The following GSR variants were observed in gnomAD, a reference collection of about 807,000 sequenced individuals.
The protein encoded by GSR is glutathione-disulfide reductase, also known as glutathione reductase, mitochondrial.
In GSR, 48 loss-of-function variants were observed where a neutral mutation model predicts 56.5. The observed-to-expected ratio is 0.85, with a 90% CI of 0.67 to 1.08. The LOEUF (loss-of-function observed/expected upper bound fraction) is 1.08, where lower values mean the gene tolerates loss of function less well. Ranked by LOEUF, GSR falls within the 50% of genes least tolerant of loss-of-function variation. GSR has a pLI of 0.00. For synonymous variants in GSR, 264 were observed against 270.8 expected (o/e 0.97, Z 0.25); for missense variants, 694 against 703.3 (o/e 0.99, Z 0.15).
intron 6 of GSR, 133 bp from the exon 7 acceptor site, chr8:30,696,612 A>C (rs928831837): frequency 1.4e-6 from 1 of 700,298 alleles, no homozygotes; most frequent in Non-Finnish European, 2.6e-6. Context: ...CCTAAAGTTA[A>C]TATTTTACTT....
chr8:30,689,135 G>C (rs756680817), intron 9 of GSR, 26 bp downstream of exon 9: 6 of 1,611,700 alleles, frequency 3.7e-6, no homozygotes, highest in Non-Finnish European at 5.1e-6. Context: ...ATTCACAAAT[G>C]TTTCGGGCAG....
chr8:30,704,325 C>G (rs778287555), intron 4 of GSR, among the ~76,000 whole-genome samples: 1 of 151,828 alleles, frequency 6.6e-6, no homozygotes, highest in Non-Finnish European at 1.5e-5. Context: ...GACCCTCTCT[C>G]AAAAAGACTG....
rs1802811345 is a variant in GSR, at chr8:30,678,247, T to C, written c.*1273A>G. The C allele has an allele frequency of 6.6e-6, 1 of 151,732 alleles. No homozygotes were observed. The highest frequency in any genetic ancestry group is 2.4e-5 in the African/African-American group (1 of 41,338). 9.4% of individuals were successfully genotyped at this position (151,732 alleles called of 1,614,324 possible). A position where few individuals can be genotyped will look rare whatever the true frequency, so the allele number is the denominator to read the frequency against. On this transcript the variant is annotated 3_prime_UTR_variant, in exon 13 of 13. Coordinates refer to ENST00000221130, the MANE Select transcript of GSR (RefSeq NM_000637.5). Reference sequence around the variant, plus strand: ...TGAAAGCAGGAATCACTTCTAAATGTCTCTCATATCTTTCTTCAAGGAGTG... The same window carrying C: ...TGAAAGCAGGAATCACTTCTAAATGCCTCTCATATCTTTCTTCAAGGAGTG...
At chr8:30,723,783 AACACACAC>A (rs5890533) in intron 1 of GSR, among the ~76,000 whole-genome samples, 48 of 52,620 alleles carry the variant, frequency 9.1e-4, no homozygotes, top group South Asian at 2.3e-3. Context: ...CAGAGCAACA[AACACACAC>A]ACACACACAC....
At chr8:30,691,355 A>AAAAAC (rs1303006593) in intron 8 of GSR, among the ~76,000 whole-genome samples, 2 of 151,548 alleles carry the variant, frequency 1.3e-5, no homozygotes, top group African/African-American at 4.9e-5. Context: ...ACCCTGTCTC[A>AAAAAC]AAAACAAAAC....
chr8:30,684,110 A>G lies in GSR; in HGVS notation c.1131T>C (p.Cys377=). 2 of 1,590,234 alleles carry G rather than the reference A, an allele frequency of 1.3e-6. No homozygotes were observed. Among genetic ancestry groups the G allele is most frequent in the East Asian group, 2.2e-5 (1 of 44,800 alleles). ...VKGIYAVGDV[C]GKALLTPVAI... Reference sequence around the variant, plus strand: ...TACCTGGAGTAAGAAGAGCTTTTCCACATACATCCCCAACTGCATAGATGC... The same window carrying G: ...TACCTGGAGTAAGAAGAGCTTTTCCGCATACATCCCCAACTGCATAGATGC... Residue 377 remains cysteine, a synonymous_variant, in exon 10 of 13, where the codon TGT becomes TGC. Transcript: ENST00000221130.
rs1243684812 is a variant in GSR, at chr8:30,678,578, C to A, written c.*942G>T. On this transcript the variant is annotated 3_prime_UTR_variant, in exon 13 of 13. Transcript: ENST00000221130. ...AGTCTTGCTATGCTGTGCATGCTGGCCTCAAACTTGTAGGCTCAAGTAATC... is the reference window on the plus strand; with the variant it reads ...AGTCTTGCTATGCTGTGCATGCTGGACTCAAACTTGTAGGCTCAAGTAATC... 6.6e-6 allele frequency: 1 copy of A among 151,792 alleles called. No individual in the cohort carries two copies. The highest frequency in any genetic ancestry group is 1.5e-5 in the Non-Finnish European group (1 of 67,984). 9.4% of individuals were successfully genotyped at this position (151,792 alleles called of 1,614,324 possible).
In GSR at chr8:30,681,960, G is replaced by T; in HGVS notation, c.1255C>A (p.Pro419Thr). ...NNIPTVVFSH[P>T]PIGTVGLTED... is the part of the protein sequence containing the mutation. ...GTGAGTCCCACTGTCCCAATAGGGG[G>T]GTGGCTGAAGACCACAGTTGGGATG... is the stretch of plus-strand genomic sequence containing the variant. The change falls in exon 11 of 13, where the codon CCC (proline) becomes ACC (threonine). Residue 419 changes from proline to threonine, a missense_variant. Physicochemically the swap from Pro to Thr is conservative, Grantham distance 38 (BLOSUM62 -1). Coordinates refer to ENST00000221130, the MANE Select transcript of GSR (RefSeq NM_000637.5). 1.9e-6 allele frequency: 3 copies of T among 1,613,206 alleles called. No homozygotes were observed. Among genetic ancestry groups the T allele is most frequent in the Non-Finnish European group, 2.5e-6 (3 of 1,179,192 alleles).
intron 6 of GSR, among the ~76,000 whole-genome samples, chr8:30,697,149 C>T (rs1803571572): frequency 6.6e-6 from 1 of 152,094 alleles, no homozygotes; most frequent in Non-Finnish European, 1.5e-5. Flanking sequence ...GGCACGGTGG[C>T]TCATGCCCAT....
At chr8:30,704,308 G>C (rs149274196) in intron 4 of GSR, among the ~76,000 whole-genome samples, 9 of 152,228 alleles carry the variant, frequency 5.9e-5, no homozygotes, top group Admixed American at 3.3e-4. Context: ...CTGGGCGACA[G>C]AGACAAGACC....
At chr8:30,715,844 T>G (rs1217855876) in intron 1 of GSR, among the ~76,000 whole-genome samples, 1 of 152,252 alleles carries the variant, frequency 6.6e-6, no homozygotes, top group Non-Finnish European at 1.5e-5. Context: ...GAAGCTACTT[T>G]AAAGTTATTT....
intron 7 of GSR, among the ~76,000 whole-genome samples, chr8:30,695,009 G>A (rs539863883): frequency 8.6e-5 from 13 of 151,862 alleles, no homozygotes; most frequent in African/African-American, 2.9e-4. Context: ...GCTGCAGTGA[G>A]CTATGATCAT....
intron 12 of GSR, among the ~76,000 whole-genome samples, chr8:30,680,420 A>G (rs1586029906): frequency 1.0e-5 from 1 of 98,456 alleles, no homozygotes; most frequent in African/African-American, 4.0e-5. Flanking sequence ...TTTGAGATGG[A>G]GTCTCGCTTT....
chr8:30,719,809 C>T (rs568710276), intron 1 of GSR, among the ~76,000 whole-genome samples: 2 of 152,158 alleles, frequency 1.3e-5, no homozygotes, highest in Admixed American at 6.5e-5. Context: ...GCCTCGTTAC[C>T]TTCAATCCTG....
chr8:30,700,196 C>T, intron 5 of GSR, 61 bp from the exon 6 acceptor site: 1 of 1,210,870 alleles, frequency 8.3e-7, no homozygotes, highest in South Asian at 1.2e-5. Flanking sequence ...AAAGTAATCA[C>T]AACATTTTAT....
chr8:30,698,339 G>A (rs1017865250), intron 6 of GSR, among the ~76,000 whole-genome samples: 3 of 152,102 alleles, frequency 2.0e-5, no homozygotes, highest in African/African-American at 7.2e-5. Flanking sequence ...TTCTTTGAGG[G>A]TGAGTCCGGA....
chr8:30,702,628 T>C (rs1416924933), intron 5 of GSR, among the ~76,000 whole-genome samples: 1 of 152,062 alleles, frequency 6.6e-6, no homozygotes, highest in Non-Finnish European at 1.5e-5. Flanking sequence ...TTACCTGCAA[T>C]ATGTCTGAGC....
At chr8:30,686,253 G>C (rs537836333) in intron 9 of GSR, among the ~76,000 whole-genome samples, 1 of 151,842 alleles carries the variant, frequency 6.6e-6, no homozygotes, top group Non-Finnish European at 1.5e-5. Flanking sequence ...ATACCTTGCC[G>C]GTTGTTGGCA....
At position 30,679,457 on chromosome 8, in the gene GSR, A is replaced by G. The variant is rs1285022324; in HGVS notation, c.*63T>C. 2.0e-6 allele frequency: 3 copies of G among 1,472,868 alleles called. No homozygotes were observed. The highest frequency in any genetic ancestry group is 2.8e-6 in the Non-Finnish European group (3 of 1,053,786). The allele number at this position is 1,472,868 out of a possible 1,614,324, so 91.2% of individuals were successfully genotyped here. ...AAAACTCAAACAGTAAGTCAATGTG[A>G]TTATTTGTTTCATTTCAGAAGATCT... On this transcript the variant is annotated 3_prime_UTR_variant, in exon 13 of 13. Coordinates refer to ENST00000221130, the MANE Select transcript of GSR (RefSeq NM_000637.5).
Sources: allele counts gnomAD v4.1 joint callset (sites outside exome capture counted in the v4.1 genomes callset), GRCh38; gene constraint gnomAD v4.1.1; transcripts MANE v1.5; gene names NCBI Gene and HGNC (gene_info 2026-07-23, HGNC 2026-07-21).